Variants in FBXL2 observed in about 807,000 individuals in gnomAD.
FBXL2 encodes the protein F-box/LRR-repeat protein 2.
Under a neutral mutation model 69.2 loss-of-function variants are expected in FBXL2, and 38 were observed. The observed-to-expected ratio is 0.55, with a 90% confidence interval of 0.42 to 0.72. The LOEUF is 0.72. FBXL2 is among the 30% of genes least tolerant of loss of function. FBXL2 has a pLI of 0.00. For synonymous variants in FBXL2, 192 were observed against 201.3 expected, an observed-to-expected ratio of 0.95 and a Z score of 0.39; for missense variants, 354 against 520.3, an observed-to-expected ratio of 0.68 and a Z score of 3.11.
At chr3:33,358,867 T>G (rs1391147209) in intron 2 of FBXL2, 100 bp from the exon 3 acceptor site, 3 of 618,972 alleles carry the variant, frequency 4.8e-6, no homozygotes, top group Non-Finnish European at 8.0e-6. Flanking sequence ...TTGAAAAAAC[T>G]TATGTATCCA....
chr3:33,395,750 GAAAAAAAA>G (rs61654235), intron 12 of FBXL2, among the ~76,000 whole-genome samples: 20 of 69,792 alleles, frequency 2.9e-4, no homozygotes, highest in East Asian at 1.3e-3. Context: ...CAGGAAAATT[GAAAAAAAA>G]AAAAAAAAAA....
intron 2 of FBXL2, among the ~76,000 whole-genome samples, chr3:33,343,591 T>G (rs2040227936): frequency 1.3e-5 from 2 of 152,150 alleles, no homozygotes; most frequent in Non-Finnish European, 2.9e-5. Context: ...CTTTATTCTA[T>G]TATTCAAATA....
At chr3:33,326,374 G>C (rs904028540) in intron 2 of FBXL2, among the ~76,000 whole-genome samples, 5 of 151,984 alleles carry the variant, frequency 3.3e-5, no homozygotes, top group Admixed American at 6.6e-5. Flanking sequence ...GTGGTGGCAG[G>C]CACCTGTAGT....
chr3:33,304,680 A>T (rs990552656), intron 2 of FBXL2, among the ~76,000 whole-genome samples: 2 of 152,196 alleles, frequency 1.3e-5, no homozygotes, highest in African/African-American at 2.4e-5. Flanking sequence ...TCTGAGGGTT[A>T]TAGGCTATAC....
chr3:33,371,278 C>T (rs540748738), intron 5 of FBXL2, among the ~76,000 whole-genome samples: 1 of 151,214 alleles, frequency 6.6e-6, no homozygotes, highest in African/African-American at 2.4e-5. Flanking sequence ...GATTCTCCTG[C>T]CTCAGCCTCC....
Position 33,331,375 on chromosome 3 carries a change from A to C in FBXL2, c.66-27592A>C, listed in dbSNP as rs546220936. On this transcript the variant is annotated intron_variant, in intron 2 of 14. Transcript: ENST00000484457. ...AGATACCAGGCTGTCTGTAATGGCT[A>C]GTGGCCCTCACAGAGAAAGGAGATG... 1.4e-3 allele frequency among the ~76,000 whole-genome samples: 210 copies of C among 152,222 alleles called. 1 individual carries two copies. The highest frequency in any genetic ancestry group is 3.0e-3 in the Admixed American group (46 of 15,292).
intron 12 of FBXL2, chr3:33,398,455 A>G (rs969216024): frequency 2.6e-5 from 4 of 152,204 alleles, no homozygotes; most frequent in African/African-American, 4.8e-5. Context: ...AGTACTGTGT[A>G]TGTGTGTGCA....
chr3:33,364,798 G>A (rs1210859349), intron 5 of FBXL2, 79 bp downstream of exon 5: 43 of 1,167,844 alleles, frequency 3.7e-5, no homozygotes, highest in Non-Finnish European at 7.7e-6. Flanking sequence ...CCTATTACAT[G>A]CTCTTCTTCT....
At chr3:33,381,369 G>A (rs917452397) in intron 13 of FBXL2, among the ~76,000 whole-genome samples, 6 of 152,174 alleles carry the variant, frequency 3.9e-5, no homozygotes, top group Non-Finnish European at 8.8e-5. Flanking sequence ...AATTGGCTGG[G>A]CACGGTGGCT....
chr3:33,293,063 C>G (rs544202855), intron 1 of FBXL2, among the ~76,000 whole-genome samples: 1 of 152,172 alleles, frequency 6.6e-6, no homozygotes, highest in African/African-American at 2.4e-5. Context: ...TCTATGTTGA[C>G]CAGGCTGGTC....
chr3:33,303,008 A>G (rs1000326269), intron 2 of FBXL2: 3 of 455,766 alleles, frequency 6.6e-6, no homozygotes, highest in African/African-American at 6.0e-5. Context: ...CAAGCAGTAC[A>G]GTAAAGGGCT....
rs561594806 is a variant in FBXL2 at position 33,360,508 on chromosome 3, C to G, written c.195+1151C>G. ...TTCTGTCATATTGTGGTGCTCTGCT[C>G]TTGGAAGGGGGCAGGGACCTCAAGG... On this transcript the variant is annotated intron_variant, in intron 4 of 14. Coordinates refer to ENST00000484457, the MANE Select transcript of FBXL2 (RefSeq NM_012157.5). Among the ~76,000 whole-genome samples, 4 of 152,244 alleles carry G rather than the reference C, an allele frequency of 2.6e-5. No individual in the cohort carries two copies. The South Asian group carries it at 8.3e-4, about 32-fold the overall frequency.
the FBXL2 span, among the ~76,000 whole-genome samples, chr3:33,417,717 T>C: frequency 6.6e-6 from 1 of 152,158 alleles, no homozygotes; most frequent in Admixed American, 6.5e-5. Flanking sequence ...TATTAAATAA[T>C]AAAAATGACA....
intron 2 of FBXL2, among the ~76,000 whole-genome samples, chr3:33,338,060 T>C (rs1402077283): frequency 2.0e-5 from 3 of 152,214 alleles, no homozygotes; most frequent in African/African-American, 7.2e-5. Context: ...AGATTCAATG[T>C]TATTCCTATC....
chr3:33,386,404 TAAAGAG>T lies in FBXL2; in HGVS notation c.*802_*807del, dbSNP rs1235299147. ...CCTCTCGTAAAACTGGGGGGAACCT[TAAAGAG>T]AAAGAACTAAGGCTTAAGTTATCTG... is the stretch of plus-strand genomic sequence containing the variant. On this transcript the variant is annotated 3_prime_UTR_variant, in exon 15 of 15. Transcript: ENST00000484457. 1.3e-5 allele frequency: 2 copies of T among 152,144 alleles called. No homozygotes were observed. The highest frequency in any genetic ancestry group is 2.9e-5 in the Non-Finnish European group (2 of 68,026). The allele number at this position is 152,144 out of a possible 1,614,324, so 9.4% of individuals were successfully genotyped here.
At chr3:33,407,125 G>C (rs1396807316), downstream of FBXL2, among the ~76,000 whole-genome samples, 1 of 152,084 alleles carries the variant, frequency 6.6e-6, no homozygotes, top group Admixed American at 6.5e-5. Context: ...TTAAAAACAG[G>C]TTTTCAAGAT....
At chr3:33,394,906 A>G (rs1386629310) in intron 12 of FBXL2, among the ~76,000 whole-genome samples, 3 of 151,636 alleles carry the variant, frequency 2.0e-5, no homozygotes, top group Non-Finnish European at 4.4e-5. Flanking sequence ...TAGCACTACA[A>G]TCACAGAGTT....
Position 33,302,135 on chromosome 3 carries a change from A to G in FBXL2, c.65+4410A>G, listed in dbSNP as rs563939468. ...TCAGCTTTAATGCAAACAACTGATG[A>G]ATCCAGCTCTTAATATGGATCTTAA... On this transcript the variant is annotated intron_variant, in intron 2 of 14. Transcript: ENST00000484457. 2.0e-5 allele frequency among the ~76,000 whole-genome samples: 3 copies of G among 152,316 alleles called. No individual in the cohort carries two copies. In the South Asian group the frequency reaches 6.2e-4, roughly 32 times the overall value.
chr3:33,377,521 G>T (rs2042722735), intron 11 of FBXL2, among the ~76,000 whole-genome samples, 188 bp downstream of exon 11: 1 of 152,146 alleles, frequency 6.6e-6, no homozygotes, highest in African/African-American at 2.4e-5. Context: ...CCTATAGAGG[G>T]TTCTGTAAAG....
Sources: allele counts gnomAD v4.1 joint callset (sites outside exome capture counted in the v4.1 genomes callset), GRCh38; gene constraint gnomAD v4.1.1; transcripts MANE v1.5; gene names NCBI Gene and HGNC (gene_info 2026-07-23, HGNC 2026-07-21).